Variants in PIEZO1 observed in about 807,000 individuals in gnomAD.
PIEZO1 encodes the protein piezo type mechanosensitive ion channel component 1 (Er blood group).
In PIEZO1, 296 loss-of-function variants were observed where a neutral mutation model predicts 297.2. The ratio of observed to expected loss-of-function variants is 1.00; its 90% confidence interval spans 0.91 to 1.10. The LOEUF (loss-of-function observed/expected upper bound fraction) is 1.10. PIEZO1 is among the 50% of genes least tolerant of loss of function. The pLI, the probability that PIEZO1 is intolerant of heterozygous loss-of-function variation, is 0.00. For synonymous variants in PIEZO1, 2,427 were observed against 1,507.5 expected, an observed-to-expected ratio of 1.61 and a Z score of -14.13; for missense variants, 5,018 against 3,455.5, an observed-to-expected ratio of 1.45 and a Z score of -11.34.
At chr16:88,764,344 T>A (rs981896605) in intron 1 of PIEZO1, among the ~76,000 whole-genome samples, 15 of 152,142 alleles carry the variant, frequency 9.9e-5, no homozygotes, top group African/African-American at 3.6e-4. Context: ...CCAGCGTCGC[T>A]GGATCCTGAG....
chr16:88,738,187 C>T, intron 7 of PIEZO1, 40 bp downstream of exon 7: 1 of 1,533,756 alleles, frequency 6.5e-7, no homozygotes, highest in Non-Finnish European at 8.7e-7. Flanking sequence ...TGGGCGGGAC[C>T]AGGGTGGCAG....
chr16:88,720,037 T>G (rs1393039169), intron 42 of PIEZO1, 32 bp downstream of exon 42: 1 of 1,549,442 alleles, frequency 6.5e-7, no homozygotes, highest in African/African-American at 1.4e-5. Flanking sequence ...GCCCCGCCCC[T>G]GGAGACCGAG....
chr16:88,753,802 G>C (rs1906518404), intron 1 of PIEZO1, among the ~76,000 whole-genome samples: 2 of 152,240 alleles, frequency 1.3e-5, no homozygotes, highest in South Asian at 4.1e-4. Flanking sequence ...TTCAGAGCAG[G>C]CTGCCTGGAG....
chr16:88,727,255 T>C, intron 23 of PIEZO1, 63 bp from the exon 24 acceptor site: 1 of 1,453,594 alleles, frequency 6.9e-7, no homozygotes, highest in South Asian at 1.4e-5. Context: ...GCACGGCGCA[T>C]AAATCCCACC....
intron 1 of PIEZO1, among the ~76,000 whole-genome samples, chr16:88,783,346 G>A (rs76327864): frequency 0.07 from 10,674 of 152,292 alleles, 536 homozygotes; most frequent in Non-Finnish European, 0.11. Flanking sequence ...AATACCAGAA[G>A]AAGAAGATTT....
At chr16:88,717,877 C>T (rs568300282) in intron 44 of PIEZO1, 4 of 416,376 alleles carry the variant, frequency 9.6e-6, no homozygotes, top group African/African-American at 4.2e-5. Context: ...TCACACTTGT[C>T]ATCCCAGCAC....
At chr16:88,758,777 T>A (rs1160301868) in intron 1 of PIEZO1, among the ~76,000 whole-genome samples, 1 of 152,330 alleles carries the variant, frequency 6.6e-6, no homozygotes, top group South Asian at 2.1e-4. Flanking sequence ...TGTTCGTCTA[T>A]AAATCAAGAA....
At chr16:88,733,770 G>C (rs753985118) in intron 17 of PIEZO1, 25 bp from the exon 18 acceptor site, 2 of 1,507,564 alleles carry the variant, frequency 1.3e-6, no homozygotes, top group Non-Finnish European at 1.8e-6. Flanking sequence ...GGGTCAGTGC[G>C]GGGCACAAAC....
intron 1 of PIEZO1, among the ~76,000 whole-genome samples, chr16:88,750,281 A>T (rs886816078): frequency 4.0e-5 from 6 of 151,172 alleles, no homozygotes; most frequent in Non-Finnish European, 8.8e-5. Flanking sequence ...GGTTGCAGTG[A>T]GCCGAGATTG....
At position 88,738,616 on chromosome 16, in the gene PIEZO1, G is replaced by A. The variant is rs1309961970; in HGVS notation, c.586C>T (p.Leu196=). Residue 196 remains leucine (L), a synonymous_variant, in exon 6 of 51, where the codon CTG becomes TTG. Transcript: ENST00000301015. ...ARFRVTAHWL[L]VAAGRVLAVT... Reference sequence around the variant, plus strand: ...GCCAGGACCCGCCCAGCCGCCACCAGCAGCCAGTGGGCCGTGACTCGGAAA... The same window carrying A: ...GCCAGGACCCGCCCAGCCGCCACCAACAGCCAGTGGGCCGTGACTCGGAAA... The A allele has an allele frequency of 2.6e-6, 4 of 1,535,650 alleles. No individual in the cohort carries two copies. The African/African-American group carries it at 5.5e-5, about 21-fold the overall frequency.
At chr16:88,757,379 A>G (rs1218079146) in intron 1 of PIEZO1, among the ~76,000 whole-genome samples, 1 of 150,380 alleles carries the variant, frequency 6.6e-6, no homozygotes, top group Non-Finnish European at 1.5e-5. Context: ...AAAGGCTCCA[A>G]TGACAGTGCC....
rs980325160 is a variant in PIEZO1, at chr16:88,737,062, C to T, written c.1196-323G>A. The T allele has an allele frequency of 1.1e-5, 3 of 275,556 alleles. No individual in the cohort carries two copies. In the Admixed American group the frequency reaches 1.5e-4, roughly 14 times the overall value. The allele number at this position is 275,556 out of a possible 1,614,324, so 17.1% of individuals were successfully genotyped here. On this transcript the variant is annotated intron_variant, in intron 10 of 50. Coordinates refer to ENST00000301015, the MANE Select transcript of PIEZO1 (RefSeq NM_001142864.4). ...GGGCCGTGGCTTCATTTGCTTCATT[C>T]AGAAACACATTGCAAAATGGAAAAT...
At chr16:88,730,352 C>T (rs2142797971) in intron 22 of PIEZO1, among the ~76,000 whole-genome samples, 1 of 79,650 alleles carries the variant, frequency 1.3e-5, no homozygotes, top group South Asian at 3.7e-4. Context: ...AGGAGGGAGG[C>T]CTGTAATTTG....
At chr16:88,746,859 G>A (rs1243047257) in intron 2 of PIEZO1, among the ~76,000 whole-genome samples, 2 of 152,260 alleles carry the variant, frequency 1.3e-5, no homozygotes, top group East Asian at 1.9e-4. Flanking sequence ...CGGAACAAAC[G>A]GCGAAACGCC....
At chr16:88,774,928 G>C (rs1264858991) in intron 1 of PIEZO1, among the ~76,000 whole-genome samples, 2 of 152,212 alleles carry the variant, frequency 1.3e-5, no homozygotes, top group East Asian at 1.9e-4. Context: ...ACCAGTCAAA[G>C]GAAGGAAAAA....
chr16:88,732,445 G>C lies in PIEZO1; in HGVS notation c.2881C>G (p.Leu961Val). The change falls in exon 21 of 51, where the codon CTG becomes GTG. Residue 961 changes from leucine (L) to valine (V), a missense_variant. Physicochemically the swap from Leu to Val is conservative, Grantham distance 32. Coordinates refer to ENST00000301015, the MANE Select transcript of PIEZO1 (RefSeq NM_001142864.4). ...HYRRQHQLAPLPAQAVFASGT... is the reference protein window; with the variant it reads ...HYRRQHQLAPVPAQAVFASGT... ...CTGGCAAACACGGCCTGGGCAGGCA[G>C]CGGGGCCAGCTGGTGCTGCCGGCGG... 1 of 1,549,626 alleles carries C rather than the reference G, an allele frequency of 6.5e-7. No individual in the cohort carries two copies. The highest frequency in any genetic ancestry group is 1.2e-5 in the South Asian group (1 of 84,030).
intron 23 of PIEZO1, among the ~76,000 whole-genome samples, 165 bp downstream of exon 23, chr16:88,727,392 G>A (rs1303204861): frequency 6.6e-6 from 1 of 152,098 alleles, no homozygotes; most frequent in Non-Finnish European, 1.5e-5. Context: ...GTGCACACAG[G>A]CTGAGGTCTG....
intron 23 of PIEZO1, 45 bp from the exon 24 acceptor site, chr16:88,727,237 C>A (rs768949054): frequency 6.7e-7 from 1 of 1,491,104 alleles, no homozygotes; most frequent in Non-Finnish European, 8.9e-7. Flanking sequence ...GGGACCCACA[C>A]GAGGTGGGCA....
In PIEZO1 at chr16:88,738,210, G is replaced by C. The variant is rs8060643; in HGVS notation, c.848+17C>G. The C allele has an allele frequency of 1.6e-5, 24 of 1,534,370 alleles. 1 individual carries two copies. The highest frequency in any genetic ancestry group is 9.6e-5 in the African/African-American group (7 of 72,984). ...ACCAGGGTGGCAGGAAAAAGGGGCT[G>C]TGTGGCAAGCCGTTACCTAGCCCAG... On this transcript the variant is annotated intron_variant, in intron 7 of 50. Transcript: ENST00000301015.
Sources: gnomAD v4.1 joint callset for allele counts (sites outside exome capture counted in the v4.1 genomes callset) on GRCh38, gnomAD v4.1.1 for gene constraint, MANE v1.5 for transcripts, NCBI Gene and HGNC (gene_info 2026-07-23, HGNC 2026-07-21) for gene names.